Variants in ATXN2L observed in about 807,000 individuals in gnomAD.
ATXN2L encodes the protein ataxin-2-like protein.
Under a neutral mutation model 120.7 loss-of-function variants are expected in ATXN2L, and 24 were observed. The observed-to-expected ratio is 0.20, with a 90% CI of 0.14 to 0.28. ATXN2L has a LOEUF of 0.28. Ranked by LOEUF, ATXN2L falls within the 10% of genes least tolerant of loss-of-function variation. The probability of loss-of-function intolerance (pLI) is 1.00; values close to 1 mark genes in which losing one functional copy is unlikely to be tolerated. For synonymous variants in ATXN2L, 653 were observed against 568.1 expected (o/e 1.15, Z -2.13); for missense variants, 1,312 against 1,432.3 (o/e 0.92, Z 1.36).
chr16:28,826,013 T>C, intron 4 of ATXN2L, 172 bp downstream of exon 4: 2 of 834,176 alleles, frequency 2.4e-6, no homozygotes, highest in East Asian at 2.7e-5. Context: ...CTGGGTACTT[T>C]AATGTTAAAA....
Position 28,830,714 on chromosome 16 carries a change from T to C in ATXN2L, c.1134T>C (p.Ser378=), listed in dbSNP as rs746494371. 6 of 1,613,854 alleles carry C rather than the reference T, an allele frequency of 3.7e-6. No individual in the cohort carries two copies. The highest frequency in any genetic ancestry group is 3.3e-5 in the South Asian group (3 of 91,034). The change falls in exon 9 of 22, where the codon TCT becomes TCC. Residue 378 remains serine (S), a synonymous_variant. Transcript: ENST00000336783. The part of the protein sequence containing the change: ...SSRGGRPGLS[S]LPPRGPHHLD... ...GGGGCGGTCGGCCTGGCCTTAGCTCTTTGCCACCTCGTGGCCCTCACCATC... is the reference window on the plus strand; with the variant it reads ...GGGGCGGTCGGCCTGGCCTTAGCTCCTTGCCACCTCGTGGCCCTCACCATC...
rs760130931 is a variant in ATXN2L, at chr16:28,834,387, G to A, written c.2217G>A (p.Gly739=). Residue 739 remains glycine (G), a synonymous_variant, in exon 17 of 22, where the codon GGG becomes GGA. Transcript: ENST00000336783. ...ATCCTGTATCCAATTCAGTGCCTGG[G>A]CAGCAGGGCAAGTACCGGGGAGCAA... ...YPYPVSNSVP[G]QQGKYRGAKG... is the part of the protein sequence containing the mutation. The A allele has an allele frequency of 1.2e-6, 2 of 1,614,128 alleles. No homozygotes were observed. Among genetic ancestry groups the A allele is most frequent in the South Asian group, 1.1e-5 (1 of 91,088 alleles).
In ATXN2L at chr16:28,823,249, A is replaced by G; in HGVS notation, c.-11A>G. The stretch of plus-strand genomic sequence containing the variant: ...CCCTTCTCTCTAATTCCCCTTCCGG[A>G]CGCTGCCATCATGTTGAAGCCTCAG... On this transcript the variant is annotated 5_prime_UTR_variant, in exon 1 of 22. Coordinates refer to ENST00000336783, the MANE Select transcript of ATXN2L (RefSeq NM_007245.4). The G allele has an allele frequency of 7.0e-7, 1 of 1,433,160 alleles. No individual in the cohort carries two copies. The highest frequency in any genetic ancestry group is 1.5e-5 in the South Asian group (1 of 68,042). 88.8% of individuals were successfully genotyped at this position (1,433,160 alleles called of 1,614,324 possible).
intron 1 of ATXN2L, chr16:28,824,359 T>TG (rs149808056): frequency 0.37 from 448,301 of 1,224,388 alleles, 87,369 homozygotes; most frequent in Admixed American, 0.44. Context: ...TCGCTGGAGG[T>TG]GGGGGTTCGG....
chr16:28,836,206 C>A lies in ATXN2L; in HGVS notation c.3169C>A (p.His1057Asn). The A allele has an allele frequency of 6.2e-7, 1 of 1,614,002 alleles. No individual in the cohort carries two copies. The highest frequency in any genetic ancestry group is 8.5e-7 in the Non-Finnish European group (1 of 1,179,968). ...GTTCTCATTAGCTGGGGGAATTTGGCATGGAAGAGCTGAGGGGCTGCAGGT... is the reference window on the plus strand; with the variant it reads ...GTTCTCATTAGCTGGGGGAATTTGGAATGGAAGAGCTGAGGGGCTGCAGGT... ...REFSLAGGIW[H>N]GRAEGLQVGQ... Residue 1057 changes from histidine (H) to asparagine (N), a missense_variant, in exon 22 of 22, where the codon CAT (histidine) becomes AAT (asparagine). Coordinates refer to ENST00000336783, the MANE Select transcript of ATXN2L (RefSeq NM_007245.4).
At chr16:28,831,521 G>A (rs1231198891) in intron 10 of ATXN2L, among the ~76,000 whole-genome samples, 1 of 151,934 alleles carries the variant, frequency 6.6e-6, no homozygotes, top group Non-Finnish European at 1.5e-5. Flanking sequence ...GTAGAAGCGG[G>A]GTTTTATTAT....
chr16:28,836,314 C>G lies in ATXN2L; in HGVS notation c.*49C>G. On this transcript the variant is annotated 3_prime_UTR_variant, in exon 22 of 22. Transcript: ENST00000336783. ...CCACAGGGCGCCCGCCGACCTGCACCTGTCTGTGAAGTATGTAGGGTGGGC... is the reference window on the plus strand; with the variant it reads ...CCACAGGGCGCCCGCCGACCTGCACGTGTCTGTGAAGTATGTAGGGTGGGC... 6.2e-7 allele frequency: 1 copy of G among 1,611,998 alleles called. No individual in the cohort carries two copies. The highest frequency in any genetic ancestry group is 1.7e-4 in the Middle Eastern group (1 of 6,046).
rs8054511 is a variant in ATXN2L at position 28,826,848 on chromosome 16, C to T, written c.617-14C>T. 508 of 1,558,524 alleles carry T rather than the reference C, an allele frequency of 3.3e-4. 7 individuals are homozygous for T. In the African/African-American group the frequency reaches 6.3e-3, roughly 19 times the overall value. On this transcript the variant is annotated splice_polypyrimidine_tract_variant and intron_variant, in intron 5 of 21. Coordinates refer to ENST00000336783, the MANE Select transcript of ATXN2L (RefSeq NM_007245.4). ...ATATAGCCTGACTCCTGATCTTCAC[C>T]TCTGCCCCCACAGACAAGTTCACCG...
Position 28,829,394 on chromosome 16 carries a change from T to C in ATXN2L, c.742-7T>C. On this transcript the variant is annotated splice_polypyrimidine_tract_variant and splice_region_variant and intron_variant, in intron 6 of 21. Transcript: ENST00000336783. ...TGGGTTTTAAAACCACCTTCCTCCC[T>C]CCCCAGTCCAATGGATGGGACCCCA... The C allele has an allele frequency of 6.2e-7, 1 of 1,603,248 alleles. No homozygotes were observed. The highest frequency in any genetic ancestry group is 8.5e-7 in the Non-Finnish European group (1 of 1,170,324).
rs745958535 is a variant in ATXN2L at position 28,825,352 on chromosome 16, GT to G, written c.300-10del. 6.2e-6 allele frequency: 10 copies of G among 1,613,710 alleles called. 1 individual carries two copies. In the South Asian group the frequency reaches 1.1e-4, roughly 18 times the overall value. On this transcript the variant is annotated splice_polypyrimidine_tract_variant and intron_variant, in intron 1 of 21. Coordinates refer to ENST00000336783, the MANE Select transcript of ATXN2L (RefSeq NM_007245.4). ...CTTGAACAGACTTAAGTAATTTCTT[GT>G]TTTCTTTTATAGGGGACAGAGCACA...
intron 6 of ATXN2L, among the ~76,000 whole-genome samples, chr16:28,829,063 A>C (rs955342294): frequency 2.0e-5 from 3 of 152,010 alleles, no homozygotes; most frequent in Non-Finnish European, 4.4e-5. Context: ...TGGTGCCATA[A>C]TAATTCACTG....
rs181578275 is a variant in ATXN2L, at chr16:28,832,400, G to A, written c.1516+1G>A. 1.2e-6 allele frequency: 2 copies of A among 1,614,040 alleles called. No individual in the cohort carries two copies. The highest frequency in any genetic ancestry group is 4.5e-5 in the East Asian group (2 of 44,884). On this transcript the variant is annotated splice_donor_variant, in intron 11 of 21. Transcript: ENST00000336783. LOFTEE classifies it high-confidence loss of function. ...AAGATCTCCCTGGCCCCCACAGATG[G>A]TAAGAGCTAGGTGTTTGAGTGCTGT...
intron 18 of ATXN2L, 166 bp downstream of exon 18, chr16:28,834,859 G>T: frequency 8.7e-7 from 1 of 1,147,034 alleles, no homozygotes; most frequent in South Asian, 1.6e-5. Context: ...TGGCTCTGGT[G>T]GTACCTGTAA....
At chr16:28,833,867 CG>C in intron 15 of ATXN2L, 197 bp from the exon 16 acceptor site, 1 of 721,286 alleles carries the variant, frequency 1.4e-6, no homozygotes, top group South Asian at 1.9e-5. Flanking sequence ...TGATCTTGGA[CG>C]TCACTTACAT....
intron 1 of ATXN2L, chr16:28,824,356 A>AG: frequency 8.3e-7 from 1 of 1,203,274 alleles, no homozygotes; most frequent in Non-Finnish European, 1.1e-6. Context: ...TGATCGCTGG[A>AG]GGTGGGGGTT....
intron 1 of ATXN2L, 36 bp from the exon 2 acceptor site, chr16:28,825,330 G>C: frequency 1.9e-6 from 3 of 1,608,876 alleles, no homozygotes; most frequent in East Asian, 2.2e-5. Context: ...AAGAGGGCTT[G>C]AACAGACTTA....
intron 13 of ATXN2L, 29 bp downstream of exon 13, chr16:28,832,916 C>CA: frequency 6.2e-7 from 1 of 1,611,900 alleles, no homozygotes; most frequent in Non-Finnish European, 8.5e-7. Flanking sequence ...GGGATATTAG[C>CA]AGGGTAAAGG....
In ATXN2L at chr16:28,832,382, C is replaced by T. The variant is rs2054816376; in HGVS notation, c.1499C>T (p.Ser500Phe). ...ATTTCTCCAGCTTCTCCAAAGATCT[C>T]CCTGGCCCCCACAGATGGTAAGAGC... The part of the protein sequence containing the change: ...GSISPASPKI[S>F]LAPTDVKELS... The change falls in exon 11 of 22, where the codon TCC becomes TTC. Residue 500 changes from serine (S) to phenylalanine (F), a missense_variant. By Grantham distance (155) the Ser-to-Phe change is radical. Transcript: ENST00000336783. 3 of 1,614,000 alleles carry T rather than the reference C, an allele frequency of 1.9e-6. No homozygotes were observed. Among genetic ancestry groups the T allele is most frequent in the Non-Finnish European group, 1.7e-6 (2 of 1,180,008 alleles).
chr16:28,832,158 G>T, intron 10 of ATXN2L, 47 bp from the exon 11 acceptor site: 1 of 1,602,968 alleles, frequency 6.2e-7, no homozygotes, highest in Non-Finnish European at 8.5e-7. Flanking sequence ...TGTACTCACT[G>T]CTGTTGACCA....
Sources: gnomAD v4.1 joint callset for allele counts (sites outside exome capture counted in the v4.1 genomes callset) on GRCh38, gnomAD v4.1.1 for gene constraint, MANE v1.5 for transcripts, NCBI Gene and HGNC (gene_info 2026-07-23, HGNC 2026-07-21) for gene names.